Variants in PEX5L observed in about 807,000 individuals in gnomAD.
PEX5L encodes the protein peroxisomal biogenesis factor 5 like, also known as PEX5-related protein.
A neutral mutation model predicts 84.0 loss-of-function variants in PEX5L; 30 were observed. The ratio of observed to expected loss-of-function variants is 0.36; its 90% CI spans 0.27 to 0.48. The LOEUF (loss-of-function observed/expected upper bound fraction) is 0.48. Among genes scored for constraint, PEX5L ranks in the 20% least tolerant of loss-of-function variants. The pLI, the probability that PEX5L is intolerant of heterozygous loss-of-function variation, is 0.99. For synonymous variants in PEX5L, 270 were observed against 283.1 expected, an observed-to-expected ratio of 0.95 and a Z score of 0.46; for missense variants, 533 against 754.6, an observed-to-expected ratio of 0.71 and a Z score of 3.44.
chr3:179,888,721 A>G (rs1368423153), intron 3 of PEX5L, among the ~76,000 whole-genome samples: 7 of 151,910 alleles, frequency 4.6e-5, no homozygotes, highest in African/African-American at 1.7e-4. Flanking sequence ...TTTTTTGCTT[A>G]AGAAAAAGAC....
intron 1 of PEX5L, among the ~76,000 whole-genome samples, chr3:179,991,566 A>AT (rs1195670964): frequency 6.6e-6 from 1 of 151,212 alleles, no homozygotes; most frequent in Non-Finnish European, 1.5e-5. Context: ...CTTTTTGTCT[A>AT]TTTTTTAGGA....
rs1791945439 is a variant in PEX5L at position 180,036,762 on chromosome 3, G to C, written c.-163C>G. ...TACTCGGCCGGCCGGCGGCCACTCGGCAGCGCTGCGGGCTGCCGGGAACTG... is the reference window on the plus strand; with the variant it reads ...TACTCGGCCGGCCGGCGGCCACTCGCCAGCGCTGCGGGCTGCCGGGAACTG... On this transcript the variant is annotated 5_prime_UTR_variant, in exon 1 of 15. Coordinates refer to ENST00000467460, the MANE Select transcript of PEX5L (RefSeq NM_016559.3). 3 of 726,704 alleles carry C rather than the reference G, an allele frequency of 4.1e-6. No homozygotes were observed. Among genetic ancestry groups the C allele is most frequent in the Non-Finnish European group, 5.0e-6 (2 of 402,272 alleles). The allele number at this position is 726,704 out of a possible 1,614,324, so 45.0% of individuals were successfully genotyped here. A position where few individuals can be genotyped will look rare whatever the true frequency, so the allele number is the denominator to read the frequency against.
chr3:179,822,761 T>C (rs1376058072), intron 8 of PEX5L, among the ~76,000 whole-genome samples: 1 of 152,242 alleles, frequency 6.6e-6, no homozygotes, highest in African/African-American at 2.4e-5. Context: ...GCTATCTGCT[T>C]ATATCAGAAA....
At chr3:179,929,548 A>C (rs949751468) in intron 2 of PEX5L, among the ~76,000 whole-genome samples, 23 of 146,368 alleles carry the variant, frequency 1.6e-4, no homozygotes, top group Non-Finnish European at 3.0e-4. Context: ...TCATAGGATT[A>C]AACCTTATAG....
intron 14 of PEX5L, 78 bp downstream of exon 14, chr3:179,807,596 A>G: frequency 7.2e-7 from 1 of 1,388,138 alleles, no homozygotes; most frequent in Non-Finnish European, 1.0e-6. Flanking sequence ...AGGCATTTTT[A>G]CTTGGAAACA....
chr3:179,841,518 C>G (rs1211891974), intron 8 of PEX5L, among the ~76,000 whole-genome samples: 1 of 152,182 alleles, frequency 6.6e-6, no homozygotes, highest in Non-Finnish European at 1.5e-5. Context: ...TTATTTTCTA[C>G]CAGATTCTGA....
intron 7 of PEX5L, among the ~76,000 whole-genome samples, chr3:179,869,753 G>A (rs538827487): frequency 6.6e-6 from 1 of 152,342 alleles, no homozygotes; most frequent in South Asian, 2.1e-4. Context: ...CACCAACTCA[G>A]TTAAAGATCC....
chr3:179,835,560 A>G (rs959240965), intron 8 of PEX5L, among the ~76,000 whole-genome samples: 4 of 152,188 alleles, frequency 2.6e-5, no homozygotes, highest in Non-Finnish European at 5.9e-5. Context: ...TTTTAAAAGT[A>G]TATTTAGAAT....
chr3:179,822,403 C>T (rs928669616), intron 8 of PEX5L, among the ~76,000 whole-genome samples: 1 of 152,174 alleles, frequency 6.6e-6, no homozygotes, highest in African/African-American at 2.4e-5. Context: ...AGAACCTCAG[C>T]TGAGGTAGAG....
intron 7 of PEX5L, among the ~76,000 whole-genome samples, chr3:179,865,150 C>T (rs1047620964): frequency 6.6e-6 from 1 of 152,180 alleles, no homozygotes; most frequent in African/African-American, 2.4e-5. Context: ...CCACTTAAAA[C>T]AACAAGTGCA....
intron 2 of PEX5L, among the ~76,000 whole-genome samples, chr3:179,955,762 G>A (rs921373351): frequency 2.0e-5 from 3 of 151,960 alleles, no homozygotes; most frequent in Non-Finnish European, 2.9e-5. Context: ...ATAAATATGA[G>A]TATTCACTTT....
intron 8 of PEX5L, among the ~76,000 whole-genome samples, chr3:179,854,002 G>A (rs1742947730): frequency 6.9e-6 from 1 of 145,798 alleles, no homozygotes; most frequent in Non-Finnish European, 1.5e-5. Flanking sequence ...TTGTAGAGAT[G>A]AGGTTTCACC....
chr3:179,990,693 G>T (rs1787302344), intron 1 of PEX5L, among the ~76,000 whole-genome samples: 1 of 152,036 alleles, frequency 6.6e-6, no homozygotes, highest in Admixed American at 6.6e-5. Flanking sequence ...ATGAAACACT[G>T]CCCCCAGCCC....
In PEX5L at chr3:179,969,036, AG is replaced by A. The variant is rs565245612; in HGVS notation, c.93+2557del. ...AATTTGCTTATATAAGCAAGACTGT[AG>A]GCTTTCCGTGGAAGTACAAGATTTG... On this transcript the variant is annotated intron_variant, in intron 2 of 14. Transcript: ENST00000467460. Among the ~76,000 whole-genome samples, 625 of 152,224 alleles carry A rather than the reference AG, an allele frequency of 4.1e-3. 1 individual carries two copies. The highest frequency in any genetic ancestry group is 6.9e-3 in the Non-Finnish European group (466 of 67,984).
At chr3:179,862,998 C>A (rs12492963) in intron 7 of PEX5L, among the ~76,000 whole-genome samples, 1 of 151,908 alleles carries the variant, frequency 6.6e-6, no homozygotes, top group Non-Finnish European at 1.5e-5. Flanking sequence ...GCATATAGAC[C>A]AATGGAACAG....
intron 7 of PEX5L, among the ~76,000 whole-genome samples, chr3:179,873,796 G>A (rs1056351954): frequency 6.6e-6 from 1 of 152,122 alleles, no homozygotes; most frequent in African/African-American, 2.4e-5. Context: ...AAACATACGT[G>A]AAGTCCCTGA....
chr3:179,959,153 T>C (rs555384281), intron 2 of PEX5L, among the ~76,000 whole-genome samples: 4 of 118,088 alleles, frequency 3.4e-5, no homozygotes, highest in African/African-American at 1.3e-4. Flanking sequence ...CAGGTGATGC[T>C]GATGCTGTGG....
rs73058674 is a variant in PEX5L, at chr3:179,856,568, C to T, written c.822+2494G>A. Among the ~76,000 whole-genome samples, 242 of 152,202 alleles carry T rather than the reference C, an allele frequency of 1.6e-3. 2 individuals carry two copies. Among genetic ancestry groups the T allele is most frequent in the African/African-American group, 5.4e-3 (226 of 41,520 alleles). On this transcript the variant is annotated intron_variant, in intron 8 of 14. Coordinates refer to ENST00000467460, the MANE Select transcript of PEX5L (RefSeq NM_016559.3). ...TTCTGAGGCATATTATTATGTCTTC[C>T]GCTATGAATTTAGATAATACCCTGG...
chr3:179,888,240 G>T, intron 3 of PEX5L: 1 of 1,023,792 alleles, frequency 9.8e-7, no homozygotes, highest in Non-Finnish European at 1.3e-6. Flanking sequence ...ATCAGTGTGG[G>T]TGGATAAATG....
Sources: allele counts gnomAD v4.1 joint callset (sites outside exome capture counted in the v4.1 genomes callset), GRCh38; gene constraint gnomAD v4.1.1; transcripts MANE v1.5; gene names NCBI Gene and HGNC (gene_info 2026-07-23, HGNC 2026-07-21).